SSBP3: variants seen among roughly 807,000 people sequenced by gnomAD.
The protein encoded by SSBP3 is single-stranded DNA-binding protein 3.
A neutral mutation model predicts 69.6 loss-of-function variants in SSBP3; 5 were observed. That is an observed-to-expected ratio of 0.07 (90% CI 0.04 to 0.15). The LOEUF (loss-of-function observed/expected upper bound fraction) is 0.15, where lower values mean the gene tolerates loss of function less well. Ranked by LOEUF, SSBP3 falls within the 10% of genes least tolerant of loss-of-function variation. The pLI, the probability that SSBP3 is intolerant of heterozygous loss-of-function variation, is 1.00. For synonymous variants in SSBP3, 196 were observed against 193.4 expected, an observed-to-expected ratio of 1.01 and a Z score of -0.11; for missense variants, 312 against 534.0, an observed-to-expected ratio of 0.58 and a Z score of 4.10.
chr1:54,348,278 A>C (rs1188766637), intron 4 of SSBP3, among the ~76,000 whole-genome samples: 1 of 128,258 alleles, frequency 7.8e-6, no homozygotes, highest in Non-Finnish European at 1.7e-5. Flanking sequence ...GGACAGGTGG[A>C]AATTAGCAGA....
chr1:54,259,452 C>T (rs1284702108), intron 5 of SSBP3, among the ~76,000 whole-genome samples: 1 of 152,210 alleles, frequency 6.6e-6, no homozygotes, highest in East Asian at 1.9e-4. Context: ...GCCTCGGAAG[C>T]ACGTTCCAGC....
exon 10 of SSBP3, chr1:54,243,260 C>A: frequency 4.3e-6 from 7 of 1,613,768 alleles, no homozygotes; most frequent in Non-Finnish European, 5.9e-6. Context: ...ATGGCGGGGC[C>A]GAGGGAGTTG....
intron 4 of SSBP3, among the ~76,000 whole-genome samples, chr1:54,319,406 C>T (rs988567291): frequency 6.6e-6 from 1 of 152,126 alleles, no homozygotes; most frequent in African/African-American, 2.4e-5. Flanking sequence ...CAACTCCCAT[C>T]CAGGTCTACA....
chr1:54,318,759 G>A (rs1646160358), intron 4 of SSBP3, among the ~76,000 whole-genome samples: 1 of 152,004 alleles, frequency 6.6e-6, no homozygotes, highest in East Asian at 1.9e-4. Flanking sequence ...ACCCCAAGCC[G>A]GGAATCTTCC....
intron 4 of SSBP3, among the ~76,000 whole-genome samples, chr1:54,336,698 G>C (rs1472413473): frequency 4.6e-5 from 7 of 152,202 alleles, no homozygotes; most frequent in Non-Finnish European, 1.0e-4. Flanking sequence ...CTTGACATTT[G>C]GAATACTAAC....
chr1:54,361,545 C>A (rs1295380050), intron 4 of SSBP3, among the ~76,000 whole-genome samples: 1 of 152,156 alleles, frequency 6.6e-6, no homozygotes, highest in African/African-American at 2.4e-5. Flanking sequence ...CCCTCCCAGG[C>A]TGAACGGAAT....
chr1:54,352,761 AC>A (rs1300944543), intron 4 of SSBP3, among the ~76,000 whole-genome samples: 1 of 152,134 alleles, frequency 6.6e-6, no homozygotes, highest in Non-Finnish European at 1.5e-5. Flanking sequence ...ACAACACAAA[AC>A]CTCAGAACTC....
chr1:54,371,980 A>T (rs1647143072), intron 4 of SSBP3, among the ~76,000 whole-genome samples: 1 of 152,062 alleles, frequency 6.6e-6, no homozygotes. Flanking sequence ...GGTTATACTC[A>T]CTTTACAGAT....
At position 54,405,060 on chromosome 1, in the gene SSBP3, C is replaced by T. The variant is rs1009438504; in HGVS notation, c.57-130G>A. The T allele has an allele frequency of 3.4e-5, 27 of 799,736 alleles. No individual in the cohort carries two copies. In the Admixed American group the frequency reaches 4.2e-4, roughly 12 times the overall value. The allele number at this position is 799,736 out of a possible 1,614,324, so 49.5% of individuals were successfully genotyped here. On this transcript the variant is annotated intron_variant, in intron 1 of 17. Transcript: ENST00000610401. ...CATTGTGGCCCCGACCAGAGGTAAG[C>T]AGCTAGCTCACCCCAAACAGGGCCG...
intron 9 of SSBP3, among the ~76,000 whole-genome samples, chr1:54,245,501 G>C (rs1049109336): frequency 6.6e-6 from 1 of 152,218 alleles, no homozygotes; most frequent in African/African-American, 2.4e-5. Flanking sequence ...AGTGGGTTCT[G>C]CATCCAGGGA....
At chr1:54,254,324 T>C (rs1171971266) in intron 7 of SSBP3, among the ~76,000 whole-genome samples, 1 of 152,204 alleles carries the variant, frequency 6.6e-6, no homozygotes, top group African/African-American at 2.4e-5. Context: ...ACAGCCAGCC[T>C]GCCAGGTGGG....
At chr1:54,304,503 C>A (rs76344575) in intron 4 of SSBP3, among the ~76,000 whole-genome samples, 1 of 152,120 alleles carries the variant, frequency 6.6e-6, no homozygotes, top group Admixed American at 6.5e-5. Flanking sequence ...GAAGAGAAGC[C>A]AGGTGAGGCT....
At chr1:54,259,389 C>T (rs1280412281) in intron 5 of SSBP3, among the ~76,000 whole-genome samples, 1 of 152,082 alleles carries the variant, frequency 6.6e-6, no homozygotes, top group Non-Finnish European at 1.5e-5. Flanking sequence ...GACTGGGTCA[C>T]ACCACCAAAG....
At chr1:54,233,043 C>T (rs1168003827) in intron 14 of SSBP3, among the ~76,000 whole-genome samples, 2 of 151,346 alleles carry the variant, frequency 1.3e-5, no homozygotes, top group Non-Finnish European at 2.9e-5. Flanking sequence ...GGCCACCCAT[C>T]GTCTGGGATG....
intron 4 of SSBP3, among the ~76,000 whole-genome samples, chr1:54,375,779 T>C (rs996131951): frequency 1.3e-5 from 2 of 152,308 alleles, no homozygotes; most frequent in South Asian, 2.1e-4. Flanking sequence ...GACTGGACTT[T>C]ATCTTGACGC....
chr1:54,366,572 T>C (rs995665441), intron 4 of SSBP3, among the ~76,000 whole-genome samples: 1 of 152,212 alleles, frequency 6.6e-6, no homozygotes, highest in African/African-American at 2.4e-5. Flanking sequence ...TATCAATTCA[T>C]GTGAACACAC....
chr1:54,368,325 T>C (rs1026654125), intron 4 of SSBP3, among the ~76,000 whole-genome samples: 8 of 147,290 alleles, frequency 5.4e-5, no homozygotes, highest in South Asian at 2.2e-4. Flanking sequence ...CTTAATGACA[T>C]GGAGGGACCC....
intron 9 of SSBP3, among the ~76,000 whole-genome samples, chr1:54,246,886 G>A (rs1310152451): frequency 1.3e-5 from 2 of 152,242 alleles, no homozygotes; most frequent in African/African-American, 2.4e-5. Context: ...GTAGAAACGG[G>A]TTCCCTCTTT....
chr1:54,256,626 A>C (rs1002167782), intron 7 of SSBP3, among the ~76,000 whole-genome samples: 1 of 152,174 alleles, frequency 6.6e-6, no homozygotes, highest in Admixed American at 6.5e-5. Flanking sequence ...AAAACTCACA[A>C]ATCTCCTGCT....
Sources: gnomAD v4.1 joint callset for allele counts (sites outside exome capture counted in the v4.1 genomes callset) on GRCh38, gnomAD v4.1.1 for gene constraint, MANE v1.5 for transcripts, NCBI Gene and HGNC (gene_info 2026-07-23, HGNC 2026-07-21) for gene names.